ESRRG: variants seen among roughly 807,000 people sequenced by gnomAD.
ESRRG encodes estrogen-related receptor gamma.
ESRRG carries 13 observed loss-of-function variants against 44.0 expected under a neutral mutation model. That is an observed-to-expected ratio of 0.30 (90% CI 0.19 to 0.47). The LOEUF is 0.47. Ranked by LOEUF, ESRRG falls within the 20% of genes least tolerant of loss-of-function variation. The pLI, the probability that ESRRG is intolerant of heterozygous loss-of-function variation, is 1.00. For missense variants in ESRRG, 395 were observed against 580.6 expected, an observed-to-expected ratio of 0.68 and a Z score of 3.29; for synonymous variants, 215 against 214.6, an observed-to-expected ratio of 1.00 and a Z score of -0.02.
At position 216,506,010 on chromosome 1, in the gene ESRRG, C is replaced by A. The variant is rs577766072; in HGVS notation, c.*929G>T. 1.3e-5 allele frequency: 2 copies of A among 152,698 alleles called. No individual in the cohort carries two copies. Among genetic ancestry groups the A allele is most frequent in the African/African-American group, 4.8e-5 (2 of 41,548 alleles). The allele number at this position is 152,698 out of a possible 1,614,324, so 9.5% of individuals were successfully genotyped here. A position where few individuals can be genotyped will look rare whatever the true frequency, so the allele number is the denominator to read the frequency against. On this transcript the variant is annotated 3_prime_UTR_variant, in exon 7 of 7. Coordinates refer to ENST00000408911, the MANE Select transcript of ESRRG (RefSeq NM_001438.4). ...ACAAAATTGCAGTATTCTTATTTCT[C>A]TTTAGTATTGCATGAATGAATAAAG...
intron 2 of ESRRG, among the ~76,000 whole-genome samples, chr1:216,802,273 C>A (rs1447240293): frequency 6.6e-6 from 1 of 151,996 alleles, no homozygotes; most frequent in Admixed American, 6.6e-5. Context: ...TGCACATCTT[C>A]CCAAGAAAAT....
At chr1:216,515,599 T>C (rs1329783953) in intron 6 of ESRRG, among the ~76,000 whole-genome samples, 2 of 152,184 alleles carry the variant, frequency 1.3e-5, no homozygotes, top group Non-Finnish European at 2.9e-5. Flanking sequence ...AATTGTTATT[T>C]GTAGCTTGAT....
At chr1:216,689,104 T>C (rs2078583675) in intron 1 of ESRRG, among the ~76,000 whole-genome samples, 1 of 152,194 alleles carries the variant, frequency 6.6e-6, no homozygotes, top group South Asian at 2.1e-4. Flanking sequence ...ACTATAAAAT[T>C]AGAAAGTGCT....
intron 2 of ESRRG, among the ~76,000 whole-genome samples, chr1:216,739,543 G>C (rs1260313846): frequency 6.6e-6 from 1 of 152,098 alleles, no homozygotes; most frequent in Non-Finnish European, 1.5e-5. Flanking sequence ...AGTTCTCAAA[G>C]GAAAATATCA....
intron 5 of ESRRG, among the ~76,000 whole-genome samples, chr1:216,563,906 T>C (rs549573333): frequency 6.6e-6 from 1 of 152,236 alleles, no homozygotes; most frequent in South Asian, 2.1e-4. Flanking sequence ...AGTAGAAGTA[T>C]TTGCTAGGAA....
At chr1:217,119,231 T>G (rs886945898) in intron 1 of ESRRG, among the ~76,000 whole-genome samples, 1 of 152,182 alleles carries the variant, frequency 6.6e-6, no homozygotes, top group African/African-American at 2.4e-5. Context: ...GGTGTCCACA[T>G]CCCTAACACT....
intron 2 of ESRRG, among the ~76,000 whole-genome samples, chr1:216,899,279 T>C (rs2058784209): frequency 6.6e-6 from 1 of 152,202 alleles, no homozygotes; most frequent in African/African-American, 2.4e-5. Flanking sequence ...ATTTAGTCTT[T>C]GAATAAATAT....
chr1:216,959,364 G>C (rs2068582333), intron 1 of ESRRG, among the ~76,000 whole-genome samples: 2 of 151,926 alleles, frequency 1.3e-5, no homozygotes, highest in Non-Finnish European at 2.9e-5. Context: ...ACCTAAAACT[G>C]TGCTCCCAAA....
At chr1:216,880,500 AC>A (rs2096429585) in intron 2 of ESRRG, among the ~76,000 whole-genome samples, 1 of 151,962 alleles carries the variant, frequency 6.6e-6, no homozygotes, top group Non-Finnish European at 1.5e-5. Flanking sequence ...TAAGGCAGCC[AC>A]CCAAAGATTT....
At chr1:216,552,248 AT>A (rs2056552762) in intron 5 of ESRRG, among the ~76,000 whole-genome samples, 1 of 152,298 alleles carries the variant, frequency 6.6e-6, no homozygotes, top group South Asian at 2.1e-4. Flanking sequence ...AAAAGTTAAG[AT>A]GATAATTTTT....
intron 2 of ESRRG, among the ~76,000 whole-genome samples, chr1:216,676,808 T>C (rs17043326): frequency 0.01 from 1,525 of 152,314 alleles, 38 homozygotes; most frequent in East Asian, 0.057. Context: ...GCTCTAATAA[T>C]AACTATGCTC....
intron 1 of ESRRG, among the ~76,000 whole-genome samples, chr1:217,103,476 T>G (rs2092547466): frequency 1.4e-5 from 2 of 146,126 alleles, no homozygotes; most frequent in Non-Finnish European, 1.5e-5. Flanking sequence ...CGATACCTCA[T>G]CTCTACAAAA....
intron 1 of ESRRG, among the ~76,000 whole-genome samples, chr1:216,687,521 C>T (rs796679644): frequency 2.6e-4 from 40 of 152,232 alleles, no homozygotes; most frequent in African/African-American, 9.1e-4. Context: ...ATGTCGGAAG[C>T]CCAAATGCCA....
intron 3 of ESRRG, among the ~76,000 whole-genome samples, chr1:216,610,886 TA>T (rs2060559524): frequency 6.6e-6 from 1 of 152,122 alleles, no homozygotes; most frequent in Non-Finnish European, 1.5e-5. Flanking sequence ...CTTAAAATGG[TA>T]GAGGCAGAAC....
chr1:216,919,496 A>G (rs1321779763), intron 2 of ESRRG, among the ~76,000 whole-genome samples: 1 of 152,228 alleles, frequency 6.6e-6, no homozygotes, highest in African/African-American at 2.4e-5. Context: ...AACACCAACC[A>G]GTATAAATCC....
At chr1:217,037,810 C>T (rs772954782) in intron 1 of ESRRG, among the ~76,000 whole-genome samples, 16 of 152,072 alleles carry the variant, frequency 1.1e-4, no homozygotes, top group Admixed American at 2.0e-4. Flanking sequence ...AATAGGGGTA[C>T]AGGCATTGGG....
intron 6 of ESRRG, among the ~76,000 whole-genome samples, chr1:216,514,334 T>G (rs2148830792): frequency 6.6e-6 from 1 of 152,280 alleles, no homozygotes; most frequent in South Asian, 2.1e-4. Context: ...GTTATAATTT[T>G]GATTTCTTAT....
At chr1:216,580,121 T>C (rs1161406324) in intron 3 of ESRRG, among the ~76,000 whole-genome samples, 1 of 152,218 alleles carries the variant, frequency 6.6e-6, no homozygotes, top group Non-Finnish European at 1.5e-5. Context: ...TCATTAGCCA[T>C]GCAGTATGTA....
At chr1:216,601,037 G>A (rs1341665894) in intron 3 of ESRRG, among the ~76,000 whole-genome samples, 1 of 152,194 alleles carries the variant, frequency 6.6e-6, no homozygotes, top group African/African-American at 2.4e-5. Context: ...TTGGGCTCCC[G>A]TGGGTTGCTG....
Sources: allele counts gnomAD v4.1 joint callset (sites outside exome capture counted in the v4.1 genomes callset), GRCh38; gene constraint gnomAD v4.1.1; transcripts MANE v1.5; gene names NCBI Gene and HGNC (gene_info 2026-07-23, HGNC 2026-07-21).